CEP162: variants seen among roughly 807,000 people sequenced by gnomAD.
The protein encoded by CEP162 is centrosomal protein of 162 kDa.
CEP162 carries 141 observed loss-of-function variants against 169.2 expected under a neutral mutation model. That is an observed-to-expected ratio of 0.83 (90% CI 0.73 to 0.96). The LOEUF (loss-of-function observed/expected upper bound fraction) is 0.96, where lower values mean the gene tolerates loss of function less well. Ranked by LOEUF, CEP162 falls within the 40% of genes least tolerant of loss-of-function variation. CEP162 has a pLI of 0.00. For synonymous variants in CEP162, 540 were observed against 526.4 expected, an observed-to-expected ratio of 1.03 and a Z score of -0.35; for missense variants, 1,600 against 1,587.2, an observed-to-expected ratio of 1.01 and a Z score of -0.14.
At position 84,215,357 on chromosome 6, in the gene CEP162, GTCAAGCCTTTC is replaced by G; in HGVS notation, c.417_427del (p.Glu139AspfsTer5). 6.2e-7 allele frequency: 1 copy of G among 1,605,374 alleles called. No homozygotes were observed. The highest frequency in any genetic ancestry group is 8.5e-7 in the Non-Finnish European group (1 of 1,174,754). On this transcript the variant is annotated frameshift_variant, in exon 5 of 27. Coordinates refer to ENST00000403245, the MANE Select transcript of CEP162 (RefSeq NM_014895.4). LOFTEE classifies it high-confidence loss of function. ...TAATCTCGAATAATCAATGGAAGAT[GTCAAGCCTTTC>G]TCAAGCCTGGCAAAAAATTGTTCTT...
chr6:84,178,384 G>A (rs191658068), intron 13 of CEP162, among the ~76,000 whole-genome samples: 262 of 152,210 alleles, frequency 1.7e-3, no homozygotes, highest in Middle Eastern at 6.8e-3. Flanking sequence ...GATGAAACAA[G>A]ATTGAATAGG....
Position 84,226,377 on chromosome 6 carries a change from T to C in CEP162, c.17A>G (p.Gln6Arg), listed in dbSNP as rs1467676050. 1.3e-6 allele frequency: 2 copies of C among 1,569,294 alleles called. No homozygotes were observed. Among genetic ancestry groups the C allele is most frequent in the African/African-American group, 2.7e-5 (2 of 74,252 alleles). MANCS[Q>R]EELDEEFEQF... is the part of the protein sequence containing the mutation. The stretch of plus-strand genomic sequence containing the variant: ...TTCAAACTCTTCATCTAGCTCTTCT[T>C]GGGAACAGTTAGCCATAGTCAACAA... The change falls in exon 2 of 27, where the codon CAA becomes CGA. Residue 6 changes from glutamine to arginine, a missense_variant. By Grantham distance (43) the Gln-to-Arg change is conservative. Transcript: ENST00000403245.
intron 2 of CEP162, among the ~76,000 whole-genome samples, chr6:84,221,583 G>A (rs528566641): frequency 1.3e-5 from 2 of 152,280 alleles, no homozygotes; most frequent in Admixed American, 1.3e-4. Flanking sequence ...GTTTCAGGGT[G>A]TAAAGAGGAG....
intron 25 of CEP162, among the ~76,000 whole-genome samples, chr6:84,135,607 A>G (rs1234660673): frequency 6.6e-6 from 1 of 151,256 alleles, no homozygotes; most frequent in African/African-American, 2.5e-5. Flanking sequence ...TCACGCCTGT[A>G]ATCCCAGCTC....
intron 6 of CEP162, among the ~76,000 whole-genome samples, chr6:84,208,462 A>T (rs1252244006): frequency 6.6e-6 from 1 of 152,222 alleles, no homozygotes; most frequent in Non-Finnish European, 1.5e-5. Context: ...ATAAGGTACT[A>T]GAGTCTACTT....
At chr6:84,142,807 T>C (rs1315454546) in intron 25 of CEP162, among the ~76,000 whole-genome samples, 3 of 152,258 alleles carry the variant, frequency 2.0e-5, no homozygotes, top group East Asian at 3.9e-4. Context: ...CATTATTCCA[T>C]GTATATTAAG....
rs945155253 is a variant in CEP162, at chr6:84,181,397, C to A, written c.1663+3790G>T. On this transcript the variant is annotated intron_variant, in intron 13 of 26. Coordinates refer to ENST00000403245, the MANE Select transcript of CEP162 (RefSeq NM_014895.4). ...AACGTCAGACGTAAAACCATAAAAA[C>A]CCTAGAAGAAAACCTAGGCAATACC... Among the ~76,000 whole-genome samples, 3 of 152,246 alleles carry A rather than the reference C, an allele frequency of 2.0e-5. No homozygotes were observed. The East Asian group carries it at 5.8e-4, about 29-fold the overall frequency.
At position 84,194,649 on chromosome 6, in the gene CEP162, T is replaced by C. The variant is rs190187389; in HGVS notation, c.1027+235A>G. Among the ~76,000 whole-genome samples, 450 of 152,152 alleles carry C rather than the reference T, an allele frequency of 3.0e-3. 2 individuals are homozygous for C. Among genetic ancestry groups the C allele is most frequent in the African/African-American group, 9.9e-3 (410 of 41,514 alleles). The stretch of plus-strand genomic sequence containing the variant: ...TTGTATTTTTAGTAGAGATGGGGTT[T>C]CACCATGTTGCCCAGGATGGTCTCA... On this transcript the variant is annotated intron_variant, in intron 10 of 26. Transcript: ENST00000403245.
At chr6:84,225,821 A>T (rs1332806236) in intron 2 of CEP162, among the ~76,000 whole-genome samples, 1 of 152,168 alleles carries the variant, frequency 6.6e-6, no homozygotes, top group East Asian at 1.9e-4. Flanking sequence ...GTGATATTTA[A>T]GTTAAGATTT....
intron 6 of CEP162, 89 bp from the exon 7 acceptor site, chr6:84,204,185 G>C: frequency 1.4e-6 from 1 of 712,450 alleles, no homozygotes; most frequent in East Asian, 2.6e-5. Context: ...AAAGGAAGAA[G>C]TCTGTATAAG....
chr6:84,141,119 A>G (rs1050994917), intron 25 of CEP162, among the ~76,000 whole-genome samples: 2 of 152,150 alleles, frequency 1.3e-5, no homozygotes, highest in Non-Finnish European at 2.9e-5. Context: ...CCCCCTGCTC[A>G]TCTGCTGAGA....
chr6:84,222,277 T>G (rs1242862010), intron 2 of CEP162, among the ~76,000 whole-genome samples: 1 of 152,172 alleles, frequency 6.6e-6, no homozygotes, highest in Non-Finnish European at 1.5e-5. Flanking sequence ...TTGCTACTGG[T>G]GATCAACTCT....
At chr6:84,181,869 C>T (rs758754282) in intron 13 of CEP162, among the ~76,000 whole-genome samples, 7 of 151,786 alleles carry the variant, frequency 4.6e-5, no homozygotes, top group Admixed American at 1.3e-4. Context: ...TTATATTTCA[C>T]GGAAGGGAAG....
chr6:84,224,326 C>G (rs1562103600), intron 2 of CEP162, among the ~76,000 whole-genome samples: 1 of 152,196 alleles, frequency 6.6e-6, no homozygotes, highest in Admixed American at 6.5e-5. Context: ...TATGAAATGT[C>G]TGTAACAGGC....
At chr6:84,166,194 G>A (rs2099527748) in intron 18 of CEP162, among the ~76,000 whole-genome samples, 2 of 152,112 alleles carry the variant, frequency 1.3e-5, no homozygotes, top group South Asian at 2.1e-4. Context: ...TCTCTCATAA[G>A]TTACCGTGCA....
At chr6:84,181,790 T>C (rs892133323) in intron 13 of CEP162, among the ~76,000 whole-genome samples, 8 of 152,042 alleles carry the variant, frequency 5.3e-5, no homozygotes, top group African/African-American at 1.9e-4. Context: ...GGAGAGAATA[T>C]ATTAAATGTA....
At chr6:84,153,670 C>T (rs950833425) in intron 22 of CEP162, among the ~76,000 whole-genome samples, 78 of 152,238 alleles carry the variant, frequency 5.1e-4, no homozygotes, top group African/African-American at 1.8e-3. Context: ...GTTTAGTATT[C>T]AGCAAATGAA....
chr6:84,177,361 T>A (rs1428922503), intron 13 of CEP162, among the ~76,000 whole-genome samples: 1 of 152,168 alleles, frequency 6.6e-6, no homozygotes, highest in Non-Finnish European at 1.5e-5. Context: ...TTGGTTTTCT[T>A]TCATTTGCAT....
At chr6:84,200,067 G>A (rs921874696) in intron 9 of CEP162, among the ~76,000 whole-genome samples, 6 of 151,960 alleles carry the variant, frequency 3.9e-5, no homozygotes, top group Middle Eastern at 3.4e-3. Context: ...TGGCTAACAC[G>A]GTGAAACCTT....
Sources: gnomAD v4.1 joint callset for allele counts (sites outside exome capture counted in the v4.1 genomes callset) on GRCh38, gnomAD v4.1.1 for gene constraint, MANE v1.5 for transcripts, NCBI Gene and HGNC (gene_info 2026-07-23, HGNC 2026-07-21) for gene names.